Variants in SYT1 observed in about 807,000 individuals in gnomAD.
SYT1 encodes synaptotagmin 1.
SYT1 carries 8 observed loss-of-function variants against 44.8 expected under a neutral mutation model. The ratio of observed to expected loss-of-function variants is 0.18; its 90% CI spans 0.10 to 0.32. The LOEUF is 0.32. SYT1 is among the 10% of genes least tolerant of loss of function. SYT1 has a pLI of 1.00. For missense variants in SYT1, 286 were observed against 509.3 expected (o/e 0.56, Z 4.22); for synonymous variants, 154 against 188.8 (o/e 0.82, Z 1.51).
chr12:79,091,987 G>A (rs979302209), intron 3 of SYT1, among the ~76,000 whole-genome samples: 6 of 151,976 alleles, frequency 3.9e-5, no homozygotes, highest in Non-Finnish European at 8.8e-5. Context: ...AGGAATCTCA[G>A]ATTAAACTTT....
chr12:79,138,414 T>A (rs182177583), intron 3 of SYT1, among the ~76,000 whole-genome samples: 65 of 152,352 alleles, frequency 4.3e-4, no homozygotes, highest in Admixed American at 4.2e-3. Flanking sequence ...AATGATATTT[T>A]GCTGCATTTC....
intron 2 of SYT1, among the ~76,000 whole-genome samples, chr12:78,996,069 G>A (rs1162104909): frequency 1.3e-5 from 2 of 150,632 alleles, no homozygotes; most frequent in Non-Finnish European, 2.9e-5. Flanking sequence ...TCTCCATCCA[G>A]GATTGTTACA....
intron 3 of SYT1, among the ~76,000 whole-genome samples, chr12:79,068,276 T>G (rs1020157974): frequency 6.6e-6 from 1 of 152,144 alleles, no homozygotes; most frequent in African/African-American, 2.4e-5. Context: ...AATTAGTAAA[T>G]TAAACTTTAA....
At chr12:79,185,108 C>T (rs533480124) in intron 3 of SYT1, among the ~76,000 whole-genome samples, 97 of 152,116 alleles carry the variant, frequency 6.4e-4, no homozygotes, top group African/African-American at 2.2e-3. Flanking sequence ...TCCTCAGGAG[C>T]ACTAGTTATG....
At position 79,145,560 on chromosome 12, in the gene SYT1, T is replaced by A. The variant is rs532662302; in HGVS notation, c.-17-71943T>A. ...CATGACCATTTTTAATGATTTTACA[T>A]ATTAAAATTTACTACTCATGACAAC... On this transcript the variant is annotated intron_variant, in intron 3 of 10. Coordinates refer to ENST00000261205, the MANE Select transcript of SYT1 (RefSeq NM_005639.3). Among the ~76,000 whole-genome samples, 24 of 152,292 alleles carry A rather than the reference T, an allele frequency of 1.6e-4. No homozygotes were observed. The South Asian group carries it at 3.7e-3, about 24-fold the overall frequency.
At chr12:78,898,580 A>G (rs553388154) in intron 1 of SYT1, among the ~76,000 whole-genome samples, 1 of 152,200 alleles carries the variant, frequency 6.6e-6, no homozygotes, top group East Asian at 1.9e-4. Flanking sequence ...AACAAATGCC[A>G]TTCTATGGCC....
chr12:79,124,739 G>T (rs1200012888), intron 3 of SYT1, among the ~76,000 whole-genome samples: 1 of 152,078 alleles, frequency 6.6e-6, no homozygotes, highest in African/African-American at 2.4e-5. Context: ...TGTGTGTATT[G>T]TACATATACA....
intron 2 of SYT1, among the ~76,000 whole-genome samples, chr12:78,993,096 G>A (rs143008399): frequency 1.3e-5 from 2 of 152,074 alleles, no homozygotes; most frequent in East Asian, 1.9e-4. Flanking sequence ...CATCCCTTCT[G>A]ATGGCTTTAT....
chr12:78,868,610 A>G (rs1873664183), intron 1 of SYT1: 1 of 151,880 alleles, frequency 6.6e-6, no homozygotes, highest in Non-Finnish European at 1.5e-5. Context: ...GTGTGTATAT[A>G]TATTCCGAAA....
chr12:78,965,447 C>T (rs1377372273), intron 1 of SYT1, among the ~76,000 whole-genome samples: 2 of 152,152 alleles, frequency 1.3e-5, no homozygotes, highest in African/African-American at 2.4e-5. Context: ...GCTTGATTTT[C>T]CTATTGGCAT....
At chr12:79,392,599 G>T (rs1884701052) in intron 9 of SYT1, 2 of 151,934 alleles carry the variant, frequency 1.3e-5, no homozygotes, top group African/African-American at 4.8e-5. Flanking sequence ...ACCAATTTAA[G>T]CTAATGCAAA....
intron 1 of SYT1, among the ~76,000 whole-genome samples, chr12:78,972,830 T>C (rs1424768833): frequency 3.9e-5 from 6 of 152,118 alleles, no homozygotes; most frequent in African/African-American, 2.4e-5. Context: ...AGTCTCCCTA[T>C]CAAATAAAGG....
At chr12:79,285,753 T>G (rs1879278438) in intron 4 of SYT1, 34 bp from the exon 5 acceptor site, 4 of 1,505,092 alleles carry the variant, frequency 2.7e-6, no homozygotes, top group Non-Finnish European at 3.6e-6. Context: ...ATCTAAGTGT[T>G]GTATGACTAG....
chr12:79,077,773 A>C (rs575242336), intron 3 of SYT1, among the ~76,000 whole-genome samples: 1 of 152,306 alleles, frequency 6.6e-6, no homozygotes, highest in East Asian at 1.9e-4. Context: ...AGCTGATTAA[A>C]AATAATGTCA....
At chr12:79,162,749 A>T (rs1197202954) in intron 3 of SYT1, among the ~76,000 whole-genome samples, 1 of 152,140 alleles carries the variant, frequency 6.6e-6, no homozygotes, top group Non-Finnish European at 1.5e-5. Context: ...ACTTACAAAG[A>T]AGCAGCAATT....
intron 3 of SYT1, among the ~76,000 whole-genome samples, chr12:79,192,018 CT>C (rs1196169845): frequency 2.0e-5 from 3 of 152,172 alleles, no homozygotes; most frequent in African/African-American, 4.8e-5. Flanking sequence ...CAATCCACCC[CT>C]ATAACTTCCC....
intron 3 of SYT1, among the ~76,000 whole-genome samples, chr12:79,139,083 T>C (rs1869388083): frequency 6.6e-6 from 1 of 152,190 alleles, no homozygotes; most frequent in South Asian, 2.1e-4. Context: ...TGCCTACACA[T>C]GTCCCGTAGC....
At chr12:78,867,152 A>G (rs1873588062) in intron 1 of SYT1, among the ~76,000 whole-genome samples, 2 of 152,060 alleles carry the variant, frequency 1.3e-5, no homozygotes, top group Admixed American at 6.6e-5. Context: ...CAATCACTTA[A>G]TTACCTCACA....
intron 1 of SYT1, among the ~76,000 whole-genome samples, chr12:78,894,636 T>G (rs1045084050): frequency 2.6e-5 from 4 of 151,584 alleles, no homozygotes; most frequent in African/African-American, 9.7e-5. Flanking sequence ...TATGAGCTAG[T>G]TCTTACAATT....
Sources: gnomAD v4.1 joint callset for allele counts (sites outside exome capture counted in the v4.1 genomes callset) on GRCh38, gnomAD v4.1.1 for gene constraint, MANE v1.5 for transcripts, NCBI Gene and HGNC (gene_info 2026-07-23, HGNC 2026-07-21) for gene names.